Variants in RBFOX1 observed in about 807,000 individuals in gnomAD.
The protein encoded by RBFOX1 is RNA binding protein fox-1 homolog 1.
RBFOX1 carries 8 observed loss-of-function variants against 57.7 expected under a neutral mutation model. The ratio of observed to expected loss-of-function variants is 0.14; its 90% CI spans 0.08 to 0.25. The LOEUF (loss-of-function observed/expected upper bound fraction) is 0.25. Among genes scored for constraint, RBFOX1 ranks in the 10% least tolerant of loss-of-function variants. The pLI, the probability that RBFOX1 is intolerant of heterozygous loss-of-function variation, is 1.00. For missense variants in RBFOX1, 611 were observed against 548.5 expected (o/e 1.11, Z -1.14); for synonymous variants, 326 against 222.4 (o/e 1.47, Z -4.15).
intron 3 of RBFOX1, among the ~76,000 whole-genome samples, chr16:6,986,033 C>T (rs2090178808): frequency 6.6e-6 from 1 of 151,350 alleles, no homozygotes. Context: ...CTTTAGAGAA[C>T]CTGCATATCT....
intron 3 of RBFOX1, among the ~76,000 whole-genome samples, chr16:6,776,204 G>A (rs1275268824): frequency 1.3e-5 from 2 of 152,114 alleles, no homozygotes; most frequent in African/African-American, 2.4e-5. Flanking sequence ...TAGGTCGGGA[G>A]ATCGAGACCA....
intron 7 of RBFOX1, among the ~76,000 whole-genome samples, chr16:7,590,697 TA>T (rs1019405679): frequency 6.6e-6 from 1 of 151,750 alleles, no homozygotes; most frequent in African/African-American, 2.4e-5. Context: ...TTGTCTTGAC[TA>T]AAAATACAAA....
intron 4 of RBFOX1, among the ~76,000 whole-genome samples, chr16:5,950,259 T>A (rs2059492985): frequency 6.6e-6 from 1 of 152,234 alleles, no homozygotes; most frequent in Non-Finnish European, 1.5e-5. Flanking sequence ...CTTTTCTGCC[T>A]GTGGGTGTCT....
intron 3 of RBFOX1, among the ~76,000 whole-genome samples, chr16:6,804,918 C>G (rs79337487): frequency 0.017 from 2,536 of 152,244 alleles, 74 homozygotes; most frequent in African/African-American, 0.058. Flanking sequence ...AAGCGAGATT[C>G]AAAGACTTCT....
intron 4 of RBFOX1, among the ~76,000 whole-genome samples, chr16:7,426,423 C>G (rs1169821398): frequency 6.6e-6 from 1 of 152,308 alleles, no homozygotes; most frequent in African/African-American, 2.4e-5. Flanking sequence ...TATTAACTCC[C>G]CACCTCTGAA....
At chr16:6,854,587 A>AT (rs71147611) in intron 3 of RBFOX1, among the ~76,000 whole-genome samples, 8,378 of 70,474 alleles carry the variant, frequency 0.12, 950 homozygotes, top group Middle Eastern at 0.28. Context: ...GGAGAGGTGA[A>AT]TTTTTTTTTT....
At chr16:5,267,160 G>T (rs1209885049) in intron 1 of RBFOX1, among the ~76,000 whole-genome samples, 1 of 152,136 alleles carries the variant, frequency 6.6e-6, no homozygotes, top group Non-Finnish European at 1.5e-5. Flanking sequence ...AGGCAGCAAA[G>T]CAAGTGGAAG....
chr16:7,532,364 T>C (rs745403932), intron 5 of RBFOX1, among the ~76,000 whole-genome samples: 16 of 152,106 alleles, frequency 1.1e-4, no homozygotes, highest in Non-Finnish European at 1.5e-4. Context: ...CCCAGAGAGT[T>C]TCTGTGACTC....
intron 2 of RBFOX1, among the ~76,000 whole-genome samples, chr16:6,488,887 C>T (rs750283844): frequency 6.6e-6 from 1 of 152,160 alleles, no homozygotes; most frequent in African/African-American, 2.4e-5. Flanking sequence ...CAGTGATAGT[C>T]TAATATAAAC....
rs932938514 is a variant in RBFOX1, at chr16:6,945,927, C to T, written c.-15-106130C>T. ...GGAATCTGCTGGTGCTAACCCTAAG[C>T]CCCCAGGGGCGTTTACCATTTCAAG... On this transcript the variant is annotated intron_variant, in intron 3 of 15. Transcript: ENST00000550418. Among the ~76,000 whole-genome samples, 6 of 152,186 alleles carry T rather than the reference C, an allele frequency of 3.9e-5. No individual in the cohort carries two copies. The South Asian group carries it at 6.2e-4, about 16-fold the overall frequency.
intron 4 of RBFOX1, among the ~76,000 whole-genome samples, chr16:5,898,884 T>A (rs1207182887): frequency 2.1e-5 from 3 of 142,926 alleles, no homozygotes; most frequent in Non-Finnish European, 1.5e-5. Flanking sequence ...ACATAGTGAG[T>A]CTCCATCTCT....
chr16:6,592,844 C>T (rs2097731261), intron 2 of RBFOX1, among the ~76,000 whole-genome samples: 1 of 152,082 alleles, frequency 6.6e-6, no homozygotes, highest in Non-Finnish European at 1.5e-5. Context: ...AGGCAAGTTG[C>T]TGATTAGCTG....
At chr16:5,712,214 C>A (rs369421617) in intron 3 of RBFOX1, among the ~76,000 whole-genome samples, 2 of 152,216 alleles carry the variant, frequency 1.3e-5, no homozygotes, top group East Asian at 3.9e-4. Flanking sequence ...TTCAACACCT[C>A]AACACCTGGG....
chr16:6,769,122 G>C (rs934758992), intron 3 of RBFOX1, among the ~76,000 whole-genome samples: 1 of 152,152 alleles, frequency 6.6e-6, no homozygotes, highest in Non-Finnish European at 1.5e-5. Context: ...TGAGGGACTG[G>C]GTGGGAGTTA....
At chr16:6,135,344 T>C (rs998944047) in intron 1 of RBFOX1, among the ~76,000 whole-genome samples, 3 of 152,250 alleles carry the variant, frequency 2.0e-5, no homozygotes, top group African/African-American at 7.2e-5. Context: ...GGCTTCATTC[T>C]GATAAGAGAA....
At chr16:6,717,591 T>A (rs2065081907) in intron 3 of RBFOX1, among the ~76,000 whole-genome samples, 1 of 152,074 alleles carries the variant, frequency 6.6e-6, no homozygotes, top group South Asian at 2.1e-4. Flanking sequence ...GTCTTTTTTT[T>A]TTTTTTACCC....
At chr16:7,151,922 G>C (rs192295754) in intron 4 of RBFOX1, among the ~76,000 whole-genome samples, 1 of 152,142 alleles carries the variant, frequency 6.6e-6, no homozygotes, top group Non-Finnish European at 1.5e-5. Context: ...TGAGCTATGG[G>C]GAATGGCTGT....
chr16:7,003,152 G>C (rs769363284), intron 3 of RBFOX1, among the ~76,000 whole-genome samples: 1 of 152,076 alleles, frequency 6.6e-6, no homozygotes, highest in African/African-American at 2.4e-5. Flanking sequence ...AAAGATGCTA[G>C]ACAGATCGTT....
At chr16:7,124,559 C>CTCCT (rs1555494427) in intron 4 of RBFOX1, among the ~76,000 whole-genome samples, 1 of 137,568 alleles carries the variant, frequency 7.3e-6, no homozygotes, top group African/African-American at 2.8e-5. Flanking sequence ...CCCTCCCTCC[C>CTCCT]TCCCTTCCTT....
Sources: allele counts gnomAD v4.1 joint callset (sites outside exome capture counted in the v4.1 genomes callset), GRCh38; gene constraint gnomAD v4.1.1; transcripts MANE v1.5; gene names NCBI Gene and HGNC (gene_info 2026-07-23, HGNC 2026-07-21).